Variants in DPYSL3 observed in about 807,000 individuals in gnomAD.
The protein encoded by DPYSL3 is dihydropyrimidinase-related protein 3.
DPYSL3 carries 16 observed loss-of-function variants against 66.1 expected under a neutral mutation model. The ratio of observed to expected loss-of-function variants is 0.24; its 90% CI spans 0.16 to 0.37. The LOEUF is 0.37. Among genes scored for constraint, DPYSL3 ranks in the 10% least tolerant of loss-of-function variants. DPYSL3 has a pLI of 1.00. For missense variants in DPYSL3, 738 were observed against 916.2 expected (o/e 0.81, Z 2.51); for synonymous variants, 338 against 345.1 (o/e 0.98, Z 0.23).
chr5:147,395,799 G>A lies in DPYSL3; in HGVS notation c.1804-78C>T, dbSNP rs41291405. ...TGTTCTAGGTATCATAAATATATTA[G>A]TGAATACAGTGTGTGGTGGGAGCTA... On this transcript the variant is annotated intron_variant, in intron 12 of 13. Transcript: ENST00000343218. 4,793 of 1,520,968 alleles carry A rather than the reference G, an allele frequency of 3.2e-3. 10 individuals carry two copies. The highest frequency in any genetic ancestry group is 3.6e-3 in the Admixed American group (188 of 51,596). 94.2% of individuals were successfully genotyped at this position (1,520,968 alleles called of 1,614,324 possible). A position where few individuals can be genotyped will look rare whatever the true frequency, so the allele number is the denominator to read the frequency against.
rs1231659274 is a variant in DPYSL3 at position 147,405,697 on chromosome 5, T to G, written c.1066A>C (p.Ile356Leu). The change falls in exon 8 of 14, where the codon ATT (isoleucine) becomes CTT (leucine). Residue 356 changes from isoleucine (I) to leucine (L), a missense_variant. Ile to Leu is a conservative substitution (Grantham distance 5). Coordinates refer to ENST00000343218, the MANE Select transcript of DPYSL3 (RefSeq NM_001197294.2). ...EAEAVFRAIT[I>L]ASQTNCPLYV... ...AGAGGGCAATTGGTTTGGCTGGCAA[T>G]GGTGATGGCACGGAACACAGCCTCA... The G allele has an allele frequency of 1.9e-6, 3 of 1,613,898 alleles. No individual in the cohort carries two copies. The highest frequency in any genetic ancestry group is 2.2e-5 in the East Asian group (1 of 44,874).
intron 1 of DPYSL3, among the ~76,000 whole-genome samples, chr5:147,499,678 C>T (rs961460386): frequency 3.3e-5 from 5 of 152,080 alleles, no homozygotes; most frequent in South Asian, 2.1e-4. Context: ...GATTCTAGCA[C>T]GTTGTTTTGT....
At chr5:147,398,857 T>C (rs1309986964) in intron 11 of DPYSL3, among the ~76,000 whole-genome samples, 1 of 152,208 alleles carries the variant, frequency 6.6e-6, no homozygotes, top group Non-Finnish European at 1.5e-5. Context: ...AGGAAGCCTC[T>C]ATTGGCCTCT....
At chr5:147,397,997 A>C (rs1382744880) in intron 11 of DPYSL3, 152 bp from the exon 12 acceptor site, 2 of 727,910 alleles carry the variant, frequency 2.7e-6, no homozygotes, top group Non-Finnish European at 4.2e-6. Flanking sequence ...AGTGGGTAGA[A>C]GGCACCGGAG....
In DPYSL3 at chr5:147,509,929, C is replaced by A. The variant is rs1291995897; in HGVS notation, c.-71G>T. 2.1e-6 allele frequency: 3 copies of A among 1,451,856 alleles called. No individual in the cohort carries two copies. Among genetic ancestry groups the A allele is most frequent in the African/African-American group, 1.4e-5 (1 of 70,456 alleles). 89.9% of individuals were successfully genotyped at this position (1,451,856 alleles called of 1,614,324 possible). On this transcript the variant is annotated 5_prime_UTR_variant, in exon 1 of 14. Transcript: ENST00000343218. The surrounding 1 kb of genome is among the most constrained non-coding windows in gnomAD (Gnocchi z 5.3). ...GGAAAGGGCAGCCGCCGGCAGCGTG[C>A]GCCGAGCCACAGTGACTGTGGCGGG...
At chr5:147,506,162 A>G (rs977857574) in intron 1 of DPYSL3, among the ~76,000 whole-genome samples, 5 of 152,210 alleles carry the variant, frequency 3.3e-5, no homozygotes, top group African/African-American at 4.8e-5. Context: ...GGAGTGCTGT[A>G]TTATAGAATT....
chr5:147,470,731 T>C (rs1220885356), intron 1 of DPYSL3, among the ~76,000 whole-genome samples: 1 of 152,158 alleles, frequency 6.6e-6, no homozygotes, highest in Non-Finnish European at 1.5e-5. Flanking sequence ...GTTTCCTACC[T>C]CAAGCACTTG....
intron 8 of DPYSL3, among the ~76,000 whole-genome samples, chr5:147,402,387 G>C (rs567402973): frequency 1.7e-5 from 2 of 115,136 alleles, no homozygotes; most frequent in South Asian, 5.0e-4. Context: ...TCGCTCTGTC[G>C]CCCAGGCTGG....
chr5:147,397,352 T>A (rs1013770156), intron 12 of DPYSL3, among the ~76,000 whole-genome samples: 1 of 151,248 alleles, frequency 6.6e-6, no homozygotes, highest in African/African-American at 2.4e-5. Context: ...ACCTTCAGAC[T>A]TGAAGAGTCA....
chr5:147,509,757 G>T lies in DPYSL3; in HGVS notation c.102C>A (p.Tyr34Ter). Reference protein sequence around the residue: ...GTTDQVPRQKYGGMFCNVEGA... With the variant: ...GTTDQVPRQK ...CCTCCACGTTGCAGAACATGCCGCCGTATTTCTGCCGCGGGACCTGGTCCG... is the reference window on the plus strand; with the variant it reads ...CCTCCACGTTGCAGAACATGCCGCCTTATTTCTGCCGCGGGACCTGGTCCG... Residue 34 changes from tyrosine to a stop codon, truncating the protein, a stop_gained, in exon 1 of 14, where the codon TAC (tyrosine) becomes TAA (stop). Coordinates refer to ENST00000343218, the MANE Select transcript of DPYSL3 (RefSeq NM_001197294.2). LOFTEE classifies it high-confidence loss of function. The surrounding 1 kb of genome is among the most constrained non-coding windows in gnomAD (Gnocchi z 5.3). 1.3e-6 allele frequency: 2 copies of T among 1,536,018 alleles called. No individual in the cohort carries two copies. The highest frequency in any genetic ancestry group is 1.7e-6 in the Non-Finnish European group (2 of 1,146,818).
At chr5:147,470,985 C>T (rs1753078645) in intron 1 of DPYSL3, among the ~76,000 whole-genome samples, 1 of 152,162 alleles carries the variant, frequency 6.6e-6, no homozygotes, top group South Asian at 2.1e-4. Flanking sequence ...TCTCTGTTTA[C>T]TCATCACTGT....
Position 147,399,125 on chromosome 5 carries a change from T to A in DPYSL3, c.1580A>T (p.Asp527Val). 1 of 1,614,220 alleles carries A rather than the reference T, an allele frequency of 6.2e-7. No homozygotes were observed. The highest frequency in any genetic ancestry group is 8.5e-7 in the Non-Finnish European group (1 of 1,180,040). ...AGAGACGATCTTCACAGCATCTGGATCCCAGATGACGAGGTCGCTGTCAGA... is the reference window on the plus strand; with the variant it reads ...AGAGACGATCTTCACAGCATCTGGAACCCAGATGACGAGGTCGCTGTCAGA... ...VGSDSDLVIW[D>V]PDAVKIVSAK... is the part of the protein sequence containing the mutation. The change falls in exon 11 of 14, where the codon GAT (aspartate) becomes GTT (valine). Residue 527 changes from aspartate to valine, a missense_variant. By Grantham distance (152) the Asp-to-Val change is radical. Transcript: ENST00000343218.
At chr5:147,441,450 C>T (rs1157571295) in intron 1 of DPYSL3, among the ~76,000 whole-genome samples, 1 of 152,126 alleles carries the variant, frequency 6.6e-6, no homozygotes, top group African/African-American at 2.4e-5. Flanking sequence ...ATCCTAATGA[C>T]CTCATTTAAC....
intron 1 of DPYSL3, among the ~76,000 whole-genome samples, chr5:147,435,976 G>A (rs143850152): frequency 4.6e-5 from 7 of 152,258 alleles, no homozygotes; most frequent in Middle Eastern, 3.4e-3. Context: ...GTATGGAGAG[G>A]GCTGCCTGGC....
At chr5:147,397,491 A>C (rs184776816) in intron 12 of DPYSL3, among the ~76,000 whole-genome samples, 175 bp downstream of exon 12, 28 of 152,340 alleles carry the variant, frequency 1.8e-4, no homozygotes, top group Non-Finnish European at 3.2e-4. Context: ...AAAAATTTTC[A>C]ACACCCTCTT....
In DPYSL3 at chr5:147,509,889, T is replaced by C; in HGVS notation, c.-31A>G. The C allele has an allele frequency of 1.3e-6, 2 of 1,482,728 alleles. No individual in the cohort carries two copies. Among genetic ancestry groups the C allele is most frequent in the Non-Finnish European group, 1.8e-6 (2 of 1,116,010 alleles). 91.8% of individuals were successfully genotyped at this position (1,482,728 alleles called of 1,614,324 possible). ...AAGCACGAAAGCGGCCCGCGGGTTT[T>C]TCTTCCCCAGAGGCGGAAAGGGCAG... On this transcript the variant is annotated 5_prime_UTR_variant, in exon 1 of 14. Coordinates refer to ENST00000343218, the MANE Select transcript of DPYSL3 (RefSeq NM_001197294.2). This position sits in a 1 kb window ranked among gnomAD's most constrained non-coding sequence, Gnocchi z 5.3.
intron 8 of DPYSL3, 113 bp from the exon 9 acceptor site, chr5:147,401,809 T>G (rs1402027983): frequency 1.2e-5 from 16 of 1,309,596 alleles, no homozygotes; most frequent in Non-Finnish European, 1.3e-5. Context: ...AGAGTCAGAC[T>G]GACCTGGGTT....
chr5:147,445,217 G>A (rs929331615), intron 1 of DPYSL3, among the ~76,000 whole-genome samples: 66 of 152,308 alleles, frequency 4.3e-4, no homozygotes, highest in African/African-American at 1.3e-3. Context: ...AAGAAAAAGA[G>A]GACTGGAGGC....
intron 1 of DPYSL3, chr5:147,453,857 T>G: frequency 1.2e-6 from 1 of 837,866 alleles, no homozygotes; most frequent in Non-Finnish European, 1.6e-6. Flanking sequence ...GTTTTTTTTT[T>G]TCTTTTGCTG....
Sources: gnomAD v4.1 joint callset for allele counts (sites outside exome capture counted in the v4.1 genomes callset) on GRCh38, gnomAD v4.1.1 for gene constraint, Gnocchi (gnomAD v3.1) non-coding constraint, MANE v1.5 for transcripts, NCBI Gene and HGNC (gene_info 2026-07-23, HGNC 2026-07-21) for gene names.